Variants in CYP4Z1 observed in about 807,000 individuals in gnomAD.
CYP4Z1 encodes the protein cytochrome P450 4Z1.
In CYP4Z1, 41 loss-of-function variants were observed where a neutral mutation model predicts 54.2. The observed-to-expected ratio is 0.76, with a 90% CI of 0.59 to 0.98. The LOEUF is 0.98. Ranked by LOEUF, CYP4Z1 falls within the 50% of genes least tolerant of loss-of-function variation. The pLI is 0.00. For synonymous variants in CYP4Z1, 163 were observed against 206.2 expected (o/e 0.79, Z 1.79); for missense variants, 513 against 599.0 (o/e 0.86, Z 1.50).
At chr1:47,108,131 CT>C (rs532300764) in intron 9 of CYP4Z1, among the ~76,000 whole-genome samples, 157 of 152,356 alleles carry the variant, frequency 1.0e-3, no homozygotes, top group South Asian at 2.9e-3. Context: ...GCCACACCTT[CT>C]TGCCCTCCAG....
chr1:47,113,511 C>A (rs893700200), intron 9 of CYP4Z1, among the ~76,000 whole-genome samples: 1 of 152,176 alleles, frequency 6.6e-6, no homozygotes, highest in Non-Finnish European at 1.5e-5. Flanking sequence ...ATTTAAGTGT[C>A]ATCATAACAG....
intron 9 of CYP4Z1, among the ~76,000 whole-genome samples, chr1:47,106,779 T>C (rs777199299): frequency 1.3e-5 from 2 of 152,146 alleles, no homozygotes; most frequent in East Asian, 1.9e-4. Context: ...TTGTGTTCAG[T>C]CTTTCTCAAT....
chr1:47,085,068 G>A, intron 6 of CYP4Z1, 90 bp downstream of exon 6: 1 of 597,578 alleles, frequency 1.7e-6, no homozygotes, highest in Non-Finnish European at 3.0e-6. Flanking sequence ...TTCTACTATG[G>A]ACATATGGCA....
At chr1:47,096,986 C>T (rs1644682635) in intron 7 of CYP4Z1, 1 of 152,098 alleles carries the variant, frequency 6.6e-6, no homozygotes, top group South Asian at 2.1e-4. Context: ...CAACAGGCCC[C>T]AGGTGTATTG....
chr1:47,110,639 G>A (rs1644786595), intron 9 of CYP4Z1, among the ~76,000 whole-genome samples: 1 of 152,122 alleles, frequency 6.6e-6, no homozygotes, highest in African/African-American at 2.4e-5. Flanking sequence ...TACTTCTTAG[G>A]TATTAGCTAC....
chr1:47,107,587 C>G (rs567020587), intron 9 of CYP4Z1, among the ~76,000 whole-genome samples: 2 of 152,180 alleles, frequency 1.3e-5, no homozygotes, highest in East Asian at 1.9e-4. Context: ...ACTACCTTTT[C>G]CCTTAATCTT....
intron 6 of CYP4Z1, among the ~76,000 whole-genome samples, chr1:47,094,322 A>C (rs1335593737): frequency 2.6e-5 from 4 of 152,220 alleles, no homozygotes; most frequent in African/African-American, 9.6e-5. Flanking sequence ...CAACCTTTAC[A>C]ACAACCCTGT....
At chr1:47,108,213 C>A (rs1644770143) in intron 9 of CYP4Z1, among the ~76,000 whole-genome samples, 2 of 152,124 alleles carry the variant, frequency 1.3e-5, no homozygotes, top group African/African-American at 4.8e-5. Context: ...TTCCTTCCTG[C>A]CCCTCTCATA....
chr1:47,112,348 G>A (rs1341000222), intron 9 of CYP4Z1, among the ~76,000 whole-genome samples: 1 of 152,094 alleles, frequency 6.6e-6, no homozygotes, highest in African/African-American at 2.4e-5. Flanking sequence ...AATTTTCACA[G>A]GACTAGAGAA....
chr1:47,078,070 A>G (rs1227991590), intron 2 of CYP4Z1, among the ~76,000 whole-genome samples: 2 of 152,280 alleles, frequency 1.3e-5, no homozygotes, highest in East Asian at 1.9e-4. Flanking sequence ...GATTAACGTG[A>G]GATTAAAATT....
chr1:47,108,084 C>T (rs1203966552), intron 9 of CYP4Z1, among the ~76,000 whole-genome samples: 6 of 152,230 alleles, frequency 3.9e-5, no homozygotes, highest in East Asian at 1.9e-4. Flanking sequence ...GAAGTGCACA[C>T]GCAGAGTTGC....
At position 47,078,894 on chromosome 1, in the gene CYP4Z1, T is replaced by C. The variant is rs545394010; in HGVS notation, c.320-1729T>C. 3.6e-4 allele frequency among the ~76,000 whole-genome samples: 54 copies of C among 150,944 alleles called. 1 individual carries two copies. The East Asian group carries it at 8.7e-3, about 24-fold the overall frequency. On this transcript the variant is annotated intron_variant, in intron 2 of 11. Transcript: ENST00000334194. ...CTGGGTATGTGTAGGTTCCCTGTTATATGTGAGAACTTTTTAAAGCATTGA... is the reference window on the plus strand; with the variant it reads ...CTGGGTATGTGTAGGTTCCCTGTTACATGTGAGAACTTTTTAAAGCATTGA...
upstream of CYP4Z1, among the ~76,000 whole-genome samples, chr1:47,067,207 G>A (rs1048669102): frequency 3.3e-5 from 5 of 152,126 alleles, no homozygotes; most frequent in Non-Finnish European, 1.5e-5. Flanking sequence ...TTCTGGAAGG[G>A]GACAGCAGTG....
intron 8 of CYP4Z1, among the ~76,000 whole-genome samples, chr1:47,102,281 C>CTTT (rs1282090321): frequency 6.6e-6 from 1 of 152,042 alleles, no homozygotes; most frequent in Non-Finnish European, 1.5e-5. Flanking sequence ...TGGCATATTC[C>CTTT]TGTCATTTTA....
chr1:47,104,699 G>A (rs1469039044), intron 8 of CYP4Z1, among the ~76,000 whole-genome samples: 2 of 152,134 alleles, frequency 1.3e-5, no homozygotes, highest in Admixed American at 1.3e-4. Flanking sequence ...GATAGACTGG[G>A]CAGGGCAGTC....
At chr1:47,059,696 G>A in the CYP4Z1 span, among the ~76,000 whole-genome samples, 157 of 152,252 alleles carry the variant, frequency 1.0e-3, no homozygotes, top group African/African-American at 3.5e-3. Context: ...CTCATACTGT[G>A]TATGAGAAGA....
chr1:47,089,817 G>A (rs1644625773), intron 6 of CYP4Z1, among the ~76,000 whole-genome samples: 1 of 152,248 alleles, frequency 6.6e-6, no homozygotes, highest in South Asian at 2.1e-4. Context: ...TTTTCAGCAG[G>A]CAGTAGCAAG....
At chr1:47,077,925 A>G (rs954126599) in intron 2 of CYP4Z1, among the ~76,000 whole-genome samples, 5 of 151,948 alleles carry the variant, frequency 3.3e-5, no homozygotes, top group African/African-American at 1.2e-4. Flanking sequence ...AGCCTGTCAT[A>G]TATATTTTAT....
intron 2 of CYP4Z1, among the ~76,000 whole-genome samples, chr1:47,076,844 C>CAAAAAAAAAAAAAAAAAAAA (rs59854360): frequency 7.5e-4 from 61 of 81,378 alleles, no homozygotes; most frequent in Middle Eastern, 5.4e-3. Flanking sequence ...GACGCTGTCT[C>CAAAAAAAAAAAAAAAAAAAA]AAAAAAAAAA....
Sources: gnomAD v4.1 joint callset for allele counts (sites outside exome capture counted in the v4.1 genomes callset) on GRCh38, gnomAD v4.1.1 for gene constraint, MANE v1.5 for transcripts, NCBI Gene and HGNC (gene_info 2026-07-23, HGNC 2026-07-21) for gene names.